Variants in USP8 observed in about 807,000 individuals in gnomAD.
USP8 encodes ubiquitin specific peptidase 8.
USP8 carries 27 observed loss-of-function variants against 130.0 expected under a neutral mutation model. The observed-to-expected ratio is 0.21, with a 90% CI of 0.15 to 0.29. USP8 has a LOEUF of 0.29. Among genes scored for constraint, USP8 ranks in the 10% least tolerant of loss-of-function variants. The pLI, the probability that USP8 is intolerant of heterozygous loss-of-function variation, is 1.00. For synonymous variants in USP8, 392 were observed against 444.1 expected (o/e 0.88, Z 1.48); for missense variants, 1,029 against 1,312.2 (o/e 0.78, Z 3.33).
intron 3 of USP8, among the ~76,000 whole-genome samples, chr15:50,444,319 G>T (rs1409431850): frequency 6.6e-6 from 1 of 151,394 alleles, no homozygotes; most frequent in East Asian, 1.9e-4. Context: ...TGGTCAGGCT[G>T]ATCTCGAACT....
rs937780509 is a variant in USP8 at position 50,504,113 on chromosome 15, T to C, written c.*5025T>C. ...AAAAAATAATACAACAATAAAAATA[T>C]ACATATTTTAAAATACAGTGTAACA... On this transcript the variant is annotated 3_prime_UTR_variant, in exon 20 of 20. Transcript: ENST00000307179. 5 of 152,156 alleles carry C rather than the reference T, an allele frequency of 3.3e-5. No individual in the cohort carries two copies. Among genetic ancestry groups the C allele is most frequent in the East Asian group, 1.9e-4 (1 of 5,204 alleles). 9.4% of individuals were successfully genotyped at this position (152,156 alleles called of 1,614,324 possible). A position where few individuals can be genotyped will look rare whatever the true frequency, so the allele number is the denominator to read the frequency against.
intron 1 of USP8, among the ~76,000 whole-genome samples, chr15:50,438,293 G>A (rs2050147885): frequency 6.6e-6 from 1 of 152,150 alleles, no homozygotes; most frequent in African/African-American, 2.4e-5. Flanking sequence ...TAAGAGATTG[G>A]AAAGAAGTAG....
intron 8 of USP8, among the ~76,000 whole-genome samples, chr15:50,472,427 C>T (rs2051410038): frequency 6.6e-6 from 1 of 150,564 alleles, no homozygotes; most frequent in South Asian, 2.1e-4. Flanking sequence ...AACCCCATCT[C>T]TACTAAAAAT....
At chr15:50,424,538 G>A (rs1403671786) in intron 1 of USP8, 24 bp downstream of exon 1, 1 of 398,512 alleles carries the variant, frequency 2.5e-6, no homozygotes, top group East Asian at 3.6e-5. Flanking sequence ...TTGGGCCCTA[G>A]CACCTGTTCT....
rs780803385 is a variant in USP8, at chr15:50,499,016, T to C, written c.3285T>C (p.Ser1095=). 6.2e-7 allele frequency: 1 copy of C among 1,613,874 alleles called. No individual in the cohort carries two copies. Among genetic ancestry groups the C allele is most frequent in the African/African-American group, 1.3e-5 (1 of 74,940 alleles). ...AAGTTTCTGATATCTCCGTTTCTTC[T>C]GTGAAATCTTCAGCAGCTTATATCC... ...DHEVSDISVS[S]VKSSAAYILF... The change falls in exon 20 of 20, where the codon TCT becomes TCC. Residue 1095 remains serine, a synonymous_variant. Coordinates refer to ENST00000307179, the MANE Select transcript of USP8 (RefSeq NM_005154.5).
At chr15:50,490,193 G>C (rs2141316878) in intron 13 of USP8, 70 bp from the exon 14 acceptor site, 1 of 1,439,766 alleles carries the variant, frequency 6.9e-7, no homozygotes, top group African/African-American at 1.4e-5. Flanking sequence ...ATACTTTGGA[G>C]TGATTTCTTT....
chr15:50,450,236 T>G (rs935473253), intron 4 of USP8, among the ~76,000 whole-genome samples: 1 of 152,094 alleles, frequency 6.6e-6, no homozygotes, highest in Non-Finnish European at 1.5e-5. Flanking sequence ...GCATTATTCT[T>G]TAGAAAAATT....
In USP8 at chr15:50,503,895, C is replaced by G. The variant is rs2052623536; in HGVS notation, c.*4807C>G. On this transcript the variant is annotated 3_prime_UTR_variant, in exon 20 of 20. Coordinates refer to ENST00000307179, the MANE Select transcript of USP8 (RefSeq NM_005154.5). ...GAGTCAGAAGGCAATAAGATTTAAA[C>G]CCCCAAGGACTTTAGATAATAGAAT... is the stretch of plus-strand genomic sequence containing the variant. 1 of 152,110 alleles carries G rather than the reference C, an allele frequency of 6.6e-6. No individual in the cohort carries two copies. The highest frequency in any genetic ancestry group is 6.5e-5 in the Admixed American group (1 of 15,276). 9.4% of individuals were successfully genotyped at this position (152,110 alleles called of 1,614,324 possible).
intron 8 of USP8, among the ~76,000 whole-genome samples, chr15:50,474,032 T>C (rs2051478528): frequency 6.6e-6 from 1 of 151,970 alleles, no homozygotes; most frequent in Admixed American, 6.6e-5. Flanking sequence ...TGAAGACATA[T>C]CTTACTCTGT....
At chr15:50,429,623 C>T (rs2049865425) in intron 1 of USP8, among the ~76,000 whole-genome samples, 1 of 152,028 alleles carries the variant, frequency 6.6e-6, no homozygotes, top group Non-Finnish European at 1.5e-5. Context: ...ATCACTTGAG[C>T]CCAAGAGTTT....
chr15:50,449,157 T>A (rs1258025625), intron 3 of USP8, among the ~76,000 whole-genome samples: 1 of 152,192 alleles, frequency 6.6e-6, no homozygotes. Flanking sequence ...AACAGAGACT[T>A]ACAAATAAGT....
At chr15:50,439,506 T>C (rs1206881259) in intron 2 of USP8, among the ~76,000 whole-genome samples, 3 of 152,118 alleles carry the variant, frequency 2.0e-5, no homozygotes, top group Non-Finnish European at 2.9e-5. Flanking sequence ...AATTCCTTTT[T>C]GGCCGGGTGC....
chr15:50,501,125 T>C lies in USP8; in HGVS notation c.*2037T>C. 3.1e-6 allele frequency: 1 copy of C among 321,188 alleles called. No individual in the cohort carries two copies. The allele number at this position is 321,188 out of a possible 1,614,324, so 19.9% of individuals were successfully genotyped here. A position where few individuals can be genotyped will look rare whatever the true frequency, so the allele number is the denominator to read the frequency against. ...CAGTGAACATTTAGTTAGCACTTAA[T>C]ATACATCAACTATTAAGCATTAAAG... On this transcript the variant is annotated 3_prime_UTR_variant, in exon 20 of 20. Transcript: ENST00000307179.
At chr15:50,474,777 C>A (rs546698925) in intron 8 of USP8, among the ~76,000 whole-genome samples, 1 of 152,206 alleles carries the variant, frequency 6.6e-6, no homozygotes, top group South Asian at 2.1e-4. Context: ...TTTTTTAGTA[C>A]CTTGATGTCA....
At chr15:50,437,400 CAATTT>C (rs1345931381) in intron 1 of USP8, among the ~76,000 whole-genome samples, 2 of 151,998 alleles carry the variant, frequency 1.3e-5, no homozygotes, top group African/African-American at 2.4e-5. Flanking sequence ...TTGTTCAATT[CAATTT>C]GATTTTTAAA....
chr15:50,469,821 A>T (rs1390531419), intron 7 of USP8, among the ~76,000 whole-genome samples: 1 of 150,776 alleles, frequency 6.6e-6, no homozygotes. Context: ...TCATTCAATT[A>T]TTAAATCCAA....
rs933502972 is a variant in USP8 at position 50,514,042 on chromosome 15, A to C, written c.*14954A>C. 1.8e-4 allele frequency: 27 copies of C among 152,262 alleles called. No individual in the cohort carries two copies. Among genetic ancestry groups the C allele is most frequent in the African/African-American group, 6.5e-4 (27 of 41,468 alleles). The allele number at this position is 152,262 out of a possible 1,614,324, so 9.4% of individuals were successfully genotyped here. Reference sequence around the variant, plus strand: ...TTCCTGAATGGTAGAATGAATTACTAAATTGTAGTATTTTCATACAATGGA... The same window carrying C: ...TTCCTGAATGGTAGAATGAATTACTCAATTGTAGTATTTTCATACAATGGA... On this transcript the variant is annotated 3_prime_UTR_variant, in exon 20 of 20. Coordinates refer to ENST00000307179, the MANE Select transcript of USP8 (RefSeq NM_005154.5).
intron 6 of USP8, chr15:50,463,388 G>A (rs1224029953): frequency 2.0e-5 from 3 of 152,206 alleles, no homozygotes; most frequent in Non-Finnish European, 4.4e-5. Context: ...CTTGTCTACA[G>A]CCATACCACC....
chr15:50,447,397 C>CGTGG (rs2050477418), intron 3 of USP8, among the ~76,000 whole-genome samples: 1 of 151,992 alleles, frequency 6.6e-6, no homozygotes, highest in Non-Finnish European at 1.5e-5. Flanking sequence ...CGTGCCTCCA[C>CGTGG]GCCTGGCTAA....
Sources: gnomAD v4.1 joint callset for allele counts (sites outside exome capture counted in the v4.1 genomes callset) on GRCh38, gnomAD v4.1.1 for gene constraint, MANE v1.5 for transcripts, NCBI Gene and HGNC (gene_info 2026-07-23, HGNC 2026-07-21) for gene names.